C9: variants seen among roughly 807,000 people sequenced by gnomAD.
C9 encodes the protein complement component C9.
A neutral mutation model predicts 65.4 loss-of-function variants in C9; 63 were observed. The observed-to-expected ratio is 0.96, with a 90% CI of 0.79 to 1.19. The LOEUF (loss-of-function observed/expected upper bound fraction) is 1.19. C9 is among the 50% of genes most tolerant of loss of function. The probability of loss-of-function intolerance (pLI) is 0.00; values close to 1 mark genes in which losing one functional copy is unlikely to be tolerated. For synonymous variants in C9, 229 were observed against 227.9 expected, an observed-to-expected ratio of 1.00 and a Z score of -0.04; for missense variants, 744 against 670.1, an observed-to-expected ratio of 1.11 and a Z score of -1.22.
chr5:39,306,675 G>C lies in C9; in HGVS notation c.1358C>G (p.Thr453Ser), dbSNP rs1270056965. 6.2e-7 allele frequency: 1 copy of C among 1,613,684 alleles called. No individual in the cohort carries two copies. Among genetic ancestry groups the C allele is most frequent in the Admixed American group, 1.7e-5 (1 of 59,986 alleles). The change falls in exon 9 of 11, where the codon ACT becomes AGT. Residue 453 changes from threonine to serine, a missense_variant. Coordinates refer to ENST00000263408, the MANE Select transcript of C9 (RefSeq NM_001737.5). ...KLLRGTVIDVTDFVNWASSIN... is the reference protein window; with the variant it reads ...KLLRGTVIDVSDFVNWASSIN... ...GGAAGAGGCCCAGTTGACAAAGTCA[G>C]TCACATCAATCACGGTTCCTCGGAG...
At chr5:39,312,783 T>G (rs1477126160) in intron 6 of C9, among the ~76,000 whole-genome samples, 1 of 152,208 alleles carries the variant, frequency 6.6e-6, no homozygotes, top group Non-Finnish European at 1.5e-5. Flanking sequence ...AAATATTTTA[T>G]TTCTTTTTAA....
chr5:39,320,738 A>C (rs1288536197), intron 5 of C9, among the ~76,000 whole-genome samples: 1 of 152,236 alleles, frequency 6.6e-6, no homozygotes, highest in African/African-American at 2.4e-5. Flanking sequence ...ATTATAATCA[A>C]ACTCAAAAGT....
At chr5:39,289,151 AG>A (rs1753045316) in intron 9 of C9, among the ~76,000 whole-genome samples, 200 bp from the exon 10 acceptor site, 1 of 151,732 alleles carries the variant, frequency 6.6e-6, no homozygotes, top group Non-Finnish European at 1.5e-5. Context: ...CATATTACGG[AG>A]TTAAGGAGGC....
At chr5:39,315,156 G>A (rs182672667) in intron 6 of C9, among the ~76,000 whole-genome samples, 10 of 152,280 alleles carry the variant, frequency 6.6e-5, no homozygotes, top group Non-Finnish European at 1.2e-4. Flanking sequence ...TGTGGGAGAA[G>A]CTTGTCTAAA....
chr5:39,358,712 G>A (rs1033474086), intron 1 of C9, among the ~76,000 whole-genome samples: 3 of 152,034 alleles, frequency 2.0e-5, no homozygotes, highest in African/African-American at 4.8e-5. Context: ...CGGGCCGGGC[G>A]CGGTGGCTCA....
intron 7 of C9, among the ~76,000 whole-genome samples, chr5:39,310,659 T>C (rs780469880): frequency 1.3e-5 from 2 of 152,128 alleles, no homozygotes. Context: ...ACCCTTGCTT[T>C]AAGATGTTAG....
intron 10 of C9, among the ~76,000 whole-genome samples, chr5:39,288,187 T>G (rs1753026045): frequency 1.3e-5 from 2 of 151,806 alleles, no homozygotes; most frequent in South Asian, 4.1e-4. Flanking sequence ...AAATATGAAC[T>G]GGAAAGATAC....
intron 4 of C9, among the ~76,000 whole-genome samples, chr5:39,337,536 C>T (rs974059179): frequency 5.3e-5 from 8 of 152,236 alleles, no homozygotes; most frequent in African/African-American, 1.9e-4. Flanking sequence ...TGTTCTTTGG[C>T]AGTGCTTATA....
intron 9 of C9, among the ~76,000 whole-genome samples, chr5:39,300,005 T>C (rs971850724): frequency 1.3e-5 from 2 of 152,148 alleles, no homozygotes; most frequent in East Asian, 3.9e-4. Context: ...TGTTTTTGGA[T>C]TATATTAGAA....
intron 1 of C9, among the ~76,000 whole-genome samples, chr5:39,347,737 G>A (rs148962514): frequency 0.023 from 3,491 of 152,180 alleles, 129 homozygotes; most frequent in African/African-American, 0.08. Flanking sequence ...AAAGAACAAA[G>A]CTGGAGACAT....
intron 5 of C9, among the ~76,000 whole-genome samples, chr5:39,327,295 G>A (rs1753763898): frequency 6.6e-6 from 1 of 152,166 alleles, no homozygotes; most frequent in Admixed American, 6.5e-5. Context: ...ACACTGAAAT[G>A]TGGGGAATGA....
intron 7 of C9, among the ~76,000 whole-genome samples, chr5:39,310,472 C>T (rs182313702): frequency 1.3e-5 from 2 of 152,194 alleles, no homozygotes; most frequent in Non-Finnish European, 2.9e-5. Context: ...ACCCTTTAGG[C>T]CAGGCTGATA....
At chr5:39,334,583 C>A (rs553396181) in intron 4 of C9, among the ~76,000 whole-genome samples, 1 of 149,578 alleles carries the variant, frequency 6.7e-6, no homozygotes, top group Admixed American at 6.6e-5. Context: ...GTCAGCCCCC[C>A]GCCCGGCCAG....
At chr5:39,325,359 T>A (rs1753729877) in intron 5 of C9, among the ~76,000 whole-genome samples, 1 of 152,138 alleles carries the variant, frequency 6.6e-6, no homozygotes, top group Non-Finnish European at 1.5e-5. Flanking sequence ...CCATCTCTAT[T>A]ATCTATAGAA....
intron 9 of C9, among the ~76,000 whole-genome samples, chr5:39,289,815 C>A (rs1373299521): frequency 6.6e-6 from 1 of 151,764 alleles, no homozygotes; most frequent in African/African-American, 2.4e-5. Flanking sequence ...CTCCATTTCC[C>A]AGATGGAAGT....
At chr5:39,301,835 T>C in intron 9 of C9, among the ~76,000 whole-genome samples, 3 of 152,196 alleles carry the variant, frequency 2.0e-5, no homozygotes, top group Middle Eastern at 6.8e-3. Context: ...ACCAGTGTAG[T>C]CTTTTATGAA....
At chr5:39,316,150 G>C in intron 5 of C9, 121 bp from the exon 6 acceptor site, 1 of 759,070 alleles carries the variant, frequency 1.3e-6, no homozygotes, top group Non-Finnish European at 2.1e-6. Flanking sequence ...AAGGAGTTAA[G>C]AGCAAAAGTG....
chr5:39,331,655 T>C, intron 5 of C9, 21 bp downstream of exon 5: 7 of 1,612,110 alleles, frequency 4.3e-6, no homozygotes, highest in South Asian at 1.1e-5. Context: ...GAACAATGTG[T>C]TTTCCTCCGA....
intron 9 of C9, among the ~76,000 whole-genome samples, chr5:39,302,645 C>G (rs1412001167): frequency 6.6e-6 from 1 of 151,996 alleles, no homozygotes; most frequent in East Asian, 1.9e-4. Flanking sequence ...AGAACTAATA[C>G]AGCTTAACAT....
Sources: allele counts gnomAD v4.1 joint callset (sites outside exome capture counted in the v4.1 genomes callset), GRCh38; gene constraint gnomAD v4.1.1; transcripts MANE v1.5; gene names NCBI Gene and HGNC (gene_info 2026-07-23, HGNC 2026-07-21).